FBXL17: variants seen among roughly 807,000 people sequenced by gnomAD.
The protein encoded by FBXL17 is F-box/LRR-repeat protein 17.
FBXL17 carries 22 observed loss-of-function variants against 66.2 expected under a neutral mutation model. That is an observed-to-expected ratio of 0.33 (90% CI 0.24 to 0.47). The LOEUF is 0.47. FBXL17 is among the 20% of genes least tolerant of loss of function. The probability of loss-of-function intolerance (pLI) is 1.00; values close to 1 mark genes in which losing one functional copy is unlikely to be tolerated. For synonymous variants in FBXL17, 474 were observed against 400.5 expected (o/e 1.18, Z -2.19); for missense variants, 878 against 948.2 (o/e 0.93, Z 0.97).
At chr5:107,937,464 G>A (rs1211897186) in intron 7 of FBXL17, among the ~76,000 whole-genome samples, 1 of 152,132 alleles carries the variant, frequency 6.6e-6, no homozygotes, top group East Asian at 1.9e-4. Context: ...TGTCATGGGA[G>A]CTTTCAAAAC....
At chr5:107,897,852 C>T (rs1383251094) in intron 7 of FBXL17, among the ~76,000 whole-genome samples, 1 of 149,328 alleles carries the variant, frequency 6.7e-6, no homozygotes, top group Non-Finnish European at 1.5e-5. Context: ...CATGACTTCA[C>T]AGGATTTATG....
chr5:107,967,068 T>G (rs1472932765), intron 7 of FBXL17, among the ~76,000 whole-genome samples: 1 of 152,134 alleles, frequency 6.6e-6, no homozygotes, highest in Non-Finnish European at 1.5e-5. Context: ...ATGACAAGAT[T>G]AAAACCCAAT....
chr5:108,169,806 A>G (rs34420), intron 6 of FBXL17, among the ~76,000 whole-genome samples: 22,288 of 152,084 alleles, frequency 0.15, 1,918 homozygotes, highest in South Asian at 0.32. Context: ...ATTTTCTTTT[A>G]TCTTACCTTG....
At chr5:108,135,116 A>T (rs1158385040) in intron 6 of FBXL17, among the ~76,000 whole-genome samples, 1 of 152,088 alleles carries the variant, frequency 6.6e-6, no homozygotes, top group Non-Finnish European at 1.5e-5. Flanking sequence ...GGGGACATCA[A>T]TCAGGTGGAA....
chr5:108,162,409 T>C (rs529377686), intron 6 of FBXL17, among the ~76,000 whole-genome samples: 7 of 152,050 alleles, frequency 4.6e-5, no homozygotes, highest in Non-Finnish European at 2.9e-5. Flanking sequence ...AGCAGGAGGA[T>C]TGCTTGAGCC....
At chr5:108,380,661 G>T (rs1749785684) in intron 1 of FBXL17, 38 bp downstream of exon 1, 6 of 1,000,424 alleles carry the variant, frequency 6.0e-6, no homozygotes, top group Non-Finnish European at 5.1e-6. Flanking sequence ...CGGGGGTGGG[G>T]GAAAGCGAGC....
At chr5:108,294,225 G>A (rs11958856) in intron 4 of FBXL17, among the ~76,000 whole-genome samples, 121 of 140,882 alleles carry the variant, frequency 8.6e-4, no homozygotes, top group Middle Eastern at 4.1e-3. Flanking sequence ...TATATATATG[G>A]TATATATATA....
At chr5:108,070,314 G>A (rs1403441881) in intron 6 of FBXL17, among the ~76,000 whole-genome samples, 2 of 152,124 alleles carry the variant, frequency 1.3e-5, no homozygotes, top group African/African-American at 4.8e-5. Context: ...ACCACTGTTA[G>A]GTTCAGAGGC....
chr5:108,077,250 A>T (rs1211332762), intron 6 of FBXL17, among the ~76,000 whole-genome samples: 1 of 152,210 alleles, frequency 6.6e-6, no homozygotes, highest in East Asian at 1.9e-4. Context: ...CGATCAATCA[A>T]TATTCTTGAT....
intron 6 of FBXL17, among the ~76,000 whole-genome samples, chr5:108,131,166 C>G (rs971600298): frequency 6.6e-6 from 1 of 152,090 alleles, no homozygotes; most frequent in African/African-American, 2.4e-5. Context: ...TTATTTCTAA[C>G]CCCAGTAAAT....
At chr5:108,119,438 G>C (rs2149962581) in intron 6 of FBXL17, among the ~76,000 whole-genome samples, 1 of 152,326 alleles carries the variant, frequency 6.6e-6, no homozygotes, top group African/African-American at 2.4e-5. Context: ...TGCCCAGCCA[G>C]CTGTGAAGTT....
chr5:108,238,011 T>C (rs1284225582), intron 4 of FBXL17, among the ~76,000 whole-genome samples: 2 of 152,258 alleles, frequency 1.3e-5, no homozygotes, highest in Non-Finnish European at 2.9e-5. Flanking sequence ...GAAAATTATC[T>C]TTTATCTTTA....
intron 5 of FBXL17, among the ~76,000 whole-genome samples, chr5:108,198,345 T>C (rs1753761885): frequency 6.6e-6 from 1 of 152,314 alleles, no homozygotes; most frequent in East Asian, 1.9e-4. Context: ...ACAAGTCTAA[T>C]ATTAATAATC....
intron 4 of FBXL17, among the ~76,000 whole-genome samples, chr5:108,315,426 C>G (rs1473778511): frequency 6.6e-6 from 1 of 151,208 alleles, no homozygotes; most frequent in Non-Finnish European, 1.5e-5. Context: ...AAAGTGCAAT[C>G]AATACATTAT....
chr5:108,243,117 G>T (rs1419244911), intron 4 of FBXL17, among the ~76,000 whole-genome samples: 1 of 152,168 alleles, frequency 6.6e-6, no homozygotes, highest in African/African-American at 2.4e-5. Flanking sequence ...GGAAAAGTCA[G>T]ATTGGCTGAT....
At chr5:108,245,828 A>G (rs1297764312) in intron 4 of FBXL17, among the ~76,000 whole-genome samples, 1 of 152,226 alleles carries the variant, frequency 6.6e-6, no homozygotes, top group African/African-American at 2.4e-5. Context: ...ACATCAAGAC[A>G]TATACTCATC....
intron 7 of FBXL17, among the ~76,000 whole-genome samples, chr5:107,950,861 G>A (rs1751478027): frequency 6.6e-6 from 1 of 152,218 alleles, no homozygotes; most frequent in African/African-American, 2.4e-5. Flanking sequence ...TGAACACCAT[G>A]AGCACGAACT....
At chr5:108,114,443 A>G (rs975479220) in intron 6 of FBXL17, among the ~76,000 whole-genome samples, 1 of 152,234 alleles carries the variant, frequency 6.6e-6, no homozygotes, top group African/African-American at 2.4e-5. Flanking sequence ...TACATCAATA[A>G]ATGTCTGATT....
intron 6 of FBXL17, among the ~76,000 whole-genome samples, chr5:108,053,811 T>C (rs1441067088): frequency 6.6e-6 from 1 of 152,164 alleles, no homozygotes; most frequent in Admixed American, 6.5e-5. Context: ...TACATGCACA[T>C]GTATGTTTAC....
Sources: gnomAD v4.1 joint callset for allele counts (sites outside exome capture counted in the v4.1 genomes callset) on GRCh38, gnomAD v4.1.1 for gene constraint, MANE v1.5 for transcripts, NCBI Gene and HGNC (gene_info 2026-07-23, HGNC 2026-07-21) for gene names.